Variants in BPI observed in about 807,000 individuals in gnomAD.
The protein encoded by BPI is bactericidal permeability increasing protein.
A neutral mutation model predicts 57.6 loss-of-function variants in BPI; 48 were observed. That is an observed-to-expected ratio of 0.83 (90% CI 0.66 to 1.06). The LOEUF is 1.06. BPI is among the 50% of genes least tolerant of loss of function. The probability of loss-of-function intolerance (pLI) is 0.00; values close to 1 mark genes in which losing one functional copy is unlikely to be tolerated. For missense variants in BPI, 651 were observed against 609.7 expected, an observed-to-expected ratio of 1.07 and a Z score of -0.71; for synonymous variants, 237 against 238.2, an observed-to-expected ratio of 0.99 and a Z score of 0.05.
intron 5 of BPI, among the ~76,000 whole-genome samples, chr20:38,313,113 G>T (rs1399800365): frequency 6.6e-6 from 1 of 152,142 alleles, no homozygotes; most frequent in Non-Finnish European, 1.5e-5. Flanking sequence ...GGCCGGGCAT[G>T]GTGGCTCATG....
intron 14 of BPI, 150 bp from the exon 15 acceptor site, chr20:38,336,996 A>G: frequency 2.2e-6 from 1 of 462,840 alleles, no homozygotes; most frequent in South Asian, 3.5e-5. Context: ...AGATCCGGGC[A>G]GCGAAACACT....
At chr20:38,304,464 G>A in intron 1 of BPI, 111 bp downstream of exon 1, 2 of 1,419,112 alleles carry the variant, frequency 1.4e-6, no homozygotes, top group Non-Finnish European at 1.9e-6. Flanking sequence ...GCACCTCAGG[G>A]CAGGTCCCCT....
At chr20:38,319,965 G>A (rs758584512) in intron 6 of BPI, 2 of 570,604 alleles carry the variant, frequency 3.5e-6, no homozygotes, top group Non-Finnish European at 6.3e-6. Flanking sequence ...TCATCTCAGG[G>A]CTGTTGGAAG....
intron 2 of BPI, among the ~76,000 whole-genome samples, chr20:38,308,007 A>C (rs2076605110): frequency 6.6e-6 from 1 of 152,214 alleles, no homozygotes; most frequent in African/African-American, 2.4e-5. Flanking sequence ...AGTCTCTGGA[A>C]GAGTCTGGCT....
At chr20:38,336,732 C>T (rs963995739) in intron 14 of BPI, among the ~76,000 whole-genome samples, 4 of 152,000 alleles carry the variant, frequency 2.6e-5, no homozygotes, top group Admixed American at 6.6e-5. Flanking sequence ...TTACCAAGTT[C>T]GTGTTTTAAA....
rs2076754596 is a variant in BPI, at chr20:38,333,955, C to T, written c.1273-475C>T. ...TCCTCCTGGTCTCAAGTGATCTTCT[C>T]GCCTCAGCCTCCCAAAGCACTGCTG... is the stretch of plus-strand genomic sequence containing the variant. On this transcript the variant is annotated intron_variant, in intron 12 of 14. Transcript: ENST00000642449. 4.7e-5 allele frequency among the ~76,000 whole-genome samples: 7 copies of T among 149,684 alleles called. No homozygotes were observed. In the South Asian group the frequency reaches 1.3e-3, roughly 28 times the overall value.
At chr20:38,317,355 G>A (rs1482138787) in intron 5 of BPI, among the ~76,000 whole-genome samples, 1 of 152,202 alleles carries the variant, frequency 6.6e-6, no homozygotes, top group Non-Finnish European at 1.5e-5. Flanking sequence ...GACAGGGATG[G>A]CTAAGCTCTC....
chr20:38,325,761 G>A (rs982600354), intron 9 of BPI, among the ~76,000 whole-genome samples: 1 of 152,130 alleles, frequency 6.6e-6, no homozygotes, highest in Non-Finnish European at 1.5e-5. Context: ...GTGTCCAGGA[G>A]TGTTGTCTTG....
chr20:38,307,793 C>A, intron 2 of BPI, 112 bp downstream of exon 2: 2 of 906,660 alleles, frequency 2.2e-6, no homozygotes, highest in Non-Finnish European at 3.3e-6. Flanking sequence ...TTTCATATCC[C>A]AAAGCCTGCA....
At chr20:38,334,544 G>A (rs1393909565) in intron 13 of BPI, 51 bp downstream of exon 13, 3 of 1,573,894 alleles carry the variant, frequency 1.9e-6, no homozygotes, top group Non-Finnish European at 2.6e-6. Context: ...GGAAGAGGGT[G>A]GGGTTGATTA....
intron 11 of BPI, among the ~76,000 whole-genome samples, chr20:38,330,575 C>T (rs1282709100): frequency 6.6e-6 from 1 of 152,182 alleles, no homozygotes; most frequent in Non-Finnish European, 1.5e-5. Flanking sequence ...AAATGATATC[C>T]TTAGGAATCT....
chr20:38,332,843 GC>G (rs1242600653), intron 12 of BPI, among the ~76,000 whole-genome samples: 1 of 152,066 alleles, frequency 6.6e-6, no homozygotes, highest in Non-Finnish European at 1.5e-5. Context: ...GTAAGTAGTC[GC>G]CCATGCTGTT....
intron 7 of BPI, among the ~76,000 whole-genome samples, chr20:38,322,345 A>G (rs1276347593): frequency 6.6e-6 from 1 of 152,262 alleles, no homozygotes; most frequent in East Asian, 1.9e-4. Context: ...ACAACAGACC[A>G]AAAGATTAAA....
At chr20:38,312,830 A>G (rs1329492322) in intron 5 of BPI, among the ~76,000 whole-genome samples, 3 of 152,258 alleles carry the variant, frequency 2.0e-5, no homozygotes, top group Non-Finnish European at 2.9e-5. Context: ...AAAAGCTTAA[A>G]AAGCAAGAAG....
chr20:38,320,377 A>G (rs187424394), intron 7 of BPI, 103 bp downstream of exon 7: 3 of 1,029,806 alleles, frequency 2.9e-6, no homozygotes, highest in East Asian at 5.3e-5. Context: ...CCTACTTCCT[A>G]TCTGACTCAC....
At chr20:38,313,919 T>C (rs1266270012) in intron 5 of BPI, among the ~76,000 whole-genome samples, 1 of 151,164 alleles carries the variant, frequency 6.6e-6, no homozygotes, top group East Asian at 1.9e-4. Context: ...AGGATGATAA[T>C]GATGATGGCG....
intron 14 of BPI, 144 bp downstream of exon 14, chr20:38,335,818 A>G: frequency 1.3e-6 from 1 of 768,612 alleles, no homozygotes; most frequent in Non-Finnish European, 2.1e-6. Flanking sequence ...TGCTGTTAAA[A>G]AACAAAGAAA....
intron 8 of BPI, among the ~76,000 whole-genome samples, chr20:38,324,447 T>C (rs1008095466): frequency 1.3e-5 from 2 of 152,238 alleles, no homozygotes; most frequent in Non-Finnish European, 2.9e-5. Context: ...CATCCAGTCC[T>C]AGCACCATGC....
At chr20:38,335,393 A>G (rs1253048255) in intron 13 of BPI, 7 of 596,424 alleles carry the variant, frequency 1.2e-5, no homozygotes, top group Admixed American at 2.9e-5. Flanking sequence ...AGGTGCTAGA[A>G]GTGGACTTGG....
Sources: gnomAD v4.1 joint callset for allele counts (sites outside exome capture counted in the v4.1 genomes callset) on GRCh38, gnomAD v4.1.1 for gene constraint, MANE v1.5 for transcripts, NCBI Gene and HGNC (gene_info 2026-07-23, HGNC 2026-07-21) for gene names.